The following ITCH variants were observed in gnomAD, a reference collection of about 807,000 sequenced individuals.
The protein encoded by ITCH is E3 ubiquitin-protein ligase Itchy homolog.
A neutral mutation model predicts 126.8 loss-of-function variants in ITCH; 28 were observed. The observed-to-expected ratio is 0.22, with a 90% CI of 0.16 to 0.30. The LOEUF (loss-of-function observed/expected upper bound fraction) is 0.30. Ranked by LOEUF, ITCH falls within the 10% of genes least tolerant of loss-of-function variation. The pLI is 1.00. For synonymous variants in ITCH, 342 were observed against 340.0 expected (o/e 1.01, Z -0.06); for missense variants, 631 against 1,032.4 (o/e 0.61, Z 5.33).
intron 12 of ITCH, among the ~76,000 whole-genome samples, chr20:34,452,152 C>T (rs915442258): frequency 2.0e-5 from 3 of 151,658 alleles, no homozygotes; most frequent in Non-Finnish European, 4.4e-5. Flanking sequence ...TGTTTTACTC[C>T]TTCTCTAGGG....
intron 15 of ITCH, 112 bp downstream of exon 15, chr20:34,470,232 A>G (rs1218588814): frequency 1.2e-6 from 1 of 846,326 alleles, no homozygotes; most frequent in Non-Finnish European, 2.1e-6. Flanking sequence ...AATGGGAAGC[A>G]TTAGAATCTC....
chr20:34,378,770 G>A (rs1350169440), intron 2 of ITCH, among the ~76,000 whole-genome samples: 2 of 152,124 alleles, frequency 1.3e-5, no homozygotes, highest in Non-Finnish European at 2.9e-5. Flanking sequence ...TTTTGGAAAT[G>A]GGAAGGAAAA....
chr20:34,398,212 G>T (rs879845116), intron 3 of ITCH, among the ~76,000 whole-genome samples: 1 of 151,742 alleles, frequency 6.6e-6, no homozygotes, highest in East Asian at 1.9e-4. Context: ...ACAAGTGTGC[G>T]CCACCACACC....
In ITCH at chr20:34,420,937, G is replaced by A. The variant is rs550686954; in HGVS notation, c.476-3543G>A. ...ACGCTTCAACTCCTTTCCTACCTGT[G>A]TATTTGTAAAATGGATCAGACCCTT... On this transcript the variant is annotated intron_variant, in intron 6 of 24. Transcript: ENST00000374864. Among the ~76,000 whole-genome samples the A allele has an allele frequency of 2.6e-5, 4 of 152,266 alleles. 1 individual carries two copies. In the South Asian group the frequency reaches 8.3e-4, roughly 32 times the overall value.
intron 11 of ITCH, among the ~76,000 whole-genome samples, chr20:34,448,473 T>A (rs547644332): frequency 6.6e-6 from 1 of 152,156 alleles, no homozygotes; most frequent in African/African-American, 2.4e-5. Flanking sequence ...TAATGTTTGA[T>A]TTTCGCTTCA....
In ITCH at chr20:34,507,934, G is replaced by C; in HGVS notation, c.*140G>C. On this transcript the variant is annotated 3_prime_UTR_variant, in exon 25 of 25. Coordinates refer to ENST00000374864, the MANE Select transcript of ITCH (RefSeq NM_031483.7). ...GTAAGTAAATTAATGTTCTCATTTA[G>C]ATTTATCTCCCAGTGATTTCTACTC... The C allele has an allele frequency of 1.5e-6, 1 of 681,810 alleles. No individual in the cohort carries two copies. The highest frequency in any genetic ancestry group is 1.6e-5 in the South Asian group (1 of 63,986). 42.2% of individuals were successfully genotyped at this position (681,810 alleles called of 1,614,324 possible). A position where few individuals can be genotyped will look rare whatever the true frequency, so the allele number is the denominator to read the frequency against.
At chr20:34,450,556 T>C (rs980480625) in intron 12 of ITCH, among the ~76,000 whole-genome samples, 7 of 152,176 alleles carry the variant, frequency 4.6e-5, no homozygotes, top group Non-Finnish European at 1.0e-4. Flanking sequence ...ACTCACAGCA[T>C]TATATAGCAA....
intron 2 of ITCH, among the ~76,000 whole-genome samples, chr20:34,371,203 T>G (rs2037615053): frequency 6.8e-6 from 1 of 147,658 alleles, no homozygotes; most frequent in African/African-American, 2.5e-5. Context: ...AGGAAGATAC[T>G]GGTAAAATAG....
chr20:34,454,835 T>G (rs1342735742), intron 12 of ITCH, among the ~76,000 whole-genome samples: 1 of 133,372 alleles, frequency 7.5e-6, no homozygotes, highest in Non-Finnish European at 1.6e-5. Flanking sequence ...TTTTTTTTTT[T>G]TTTTTTTTTT....
chr20:34,436,757 C>T (rs1234735101), intron 7 of ITCH, among the ~76,000 whole-genome samples: 1 of 152,106 alleles, frequency 6.6e-6, no homozygotes, highest in Non-Finnish European at 1.5e-5. Context: ...AGTGCTCGTC[C>T]GTTTGGTTTA....
intron 2 of ITCH, among the ~76,000 whole-genome samples, chr20:34,386,695 A>G (rs1201548126): frequency 6.6e-6 from 1 of 152,218 alleles, no homozygotes; most frequent in Admixed American, 6.5e-5. Flanking sequence ...GCCTGTAAAA[A>G]TATCTGATTA....
In ITCH at chr20:34,466,958, A is replaced by G. The variant is rs1473683371; in HGVS notation, c.1425-3090A>G. 4.6e-5 allele frequency among the ~76,000 whole-genome samples: 7 copies of G among 152,198 alleles called. No individual in the cohort carries two copies. In the East Asian group the frequency reaches 1.3e-3, roughly 29 times the overall value. ...TAAAAGCAGAACTCAGTGAAGTGGA[A>G]AAGAAACAATGGAGCGCCCAAAGCT... On this transcript the variant is annotated intron_variant, in intron 14 of 24. Coordinates refer to ENST00000374864, the MANE Select transcript of ITCH (RefSeq NM_031483.7).
At chr20:34,478,184 T>C (rs1988404555) in intron 17 of ITCH, among the ~76,000 whole-genome samples, 1 of 152,180 alleles carries the variant, frequency 6.6e-6, no homozygotes, top group Non-Finnish European at 1.5e-5. Context: ...GATGCAAGCT[T>C]TGTATCATTT....
intron 6 of ITCH, chr20:34,417,102 T>G: frequency 2.4e-6 from 1 of 425,448 alleles, no homozygotes; most frequent in Admixed American, 3.0e-5. Flanking sequence ...TAGGTAGACT[T>G]TTTTTTTTTT....
chr20:34,387,170 A>G (rs1194746627), intron 2 of ITCH, among the ~76,000 whole-genome samples: 6 of 151,842 alleles, frequency 4.0e-5, no homozygotes, highest in Non-Finnish European at 8.8e-5. Flanking sequence ...GCCAGATGTC[A>G]TGCATGCCTG....
chr20:34,500,501 T>G (rs1344665249), intron 23 of ITCH, among the ~76,000 whole-genome samples: 1 of 152,230 alleles, frequency 6.6e-6, no homozygotes, highest in East Asian at 1.9e-4. Flanking sequence ...ACTTTGGATT[T>G]CCATTTCCAT....
At chr20:34,388,822 TG>T (rs746722476) in intron 2 of ITCH, among the ~76,000 whole-genome samples, 15 of 152,232 alleles carry the variant, frequency 9.9e-5, no homozygotes, top group Non-Finnish European at 1.8e-4. Flanking sequence ...TTACAAAGAA[TG>T]TTTTTTTGTT....
intron 18 of ITCH, 32 bp downstream of exon 18, chr20:34,479,821 G>A (rs537247645): frequency 6.3e-7 from 1 of 1,597,094 alleles, no homozygotes; most frequent in South Asian, 1.1e-5. Context: ...TGTTTACTTT[G>A]CTTATTCAGC....
chr20:34,425,773 C>T (rs1286340217), intron 7 of ITCH, among the ~76,000 whole-genome samples: 1 of 152,196 alleles, frequency 6.6e-6, no homozygotes, highest in Non-Finnish European at 1.5e-5. Flanking sequence ...CCCTGTTGCC[C>T]TGCCACACTC....
Sources: allele counts gnomAD v4.1 joint callset (sites outside exome capture counted in the v4.1 genomes callset), GRCh38; gene constraint gnomAD v4.1.1; transcripts MANE v1.5; gene names NCBI Gene and HGNC (gene_info 2026-07-23, HGNC 2026-07-21).